Variants in SDK1 observed in about 807,000 individuals in gnomAD.
SDK1 encodes the protein sidekick cell adhesion molecule 1.
A neutral mutation model predicts 245.5 loss-of-function variants in SDK1; 157 were observed. That is an observed-to-expected ratio of 0.64 (90% CI 0.56 to 0.73). The LOEUF (loss-of-function observed/expected upper bound fraction) is 0.73. Ranked by LOEUF, SDK1 falls within the 30% of genes least tolerant of loss-of-function variation. The pLI is 0.00. For synonymous variants in SDK1, 1,647 were observed against 1,278.5 expected (o/e 1.29, Z -6.15); for missense variants, 3,583 against 3,002.3 (o/e 1.19, Z -4.52).
chr7:3,667,624 C>G (rs950373377), intron 4 of SDK1, among the ~76,000 whole-genome samples: 1 of 152,214 alleles, frequency 6.6e-6, no homozygotes, highest in Non-Finnish European at 1.5e-5. Context: ...CCAGGAGACC[C>G]TGGCAGTCAC....
At chr7:3,640,969 A>G (rs1254358193) in intron 3 of SDK1, among the ~76,000 whole-genome samples, 1 of 151,684 alleles carries the variant, frequency 6.6e-6, no homozygotes, top group African/African-American at 2.4e-5. Flanking sequence ...GGTGTGAGCC[A>G]CTGTGCTCTG....
intron 4 of SDK1, among the ~76,000 whole-genome samples, chr7:3,819,402 T>C (rs541091577): frequency 6.6e-6 from 1 of 152,208 alleles, no homozygotes; most frequent in African/African-American, 2.4e-5. Flanking sequence ...ATATCGAGAA[T>C]TCATGGATAT....
rs144901118 is a variant in SDK1, at chr7:3,430,763, G to A, written c.298+128879G>A. 2.2e-3 allele frequency among the ~76,000 whole-genome samples: 336 copies of A among 152,326 alleles called. 2 individuals are homozygous for A. Among genetic ancestry groups the A allele is most frequent in the Admixed American group, 3.6e-3 (55 of 15,306 alleles). On this transcript the variant is annotated intron_variant, in intron 1 of 44. Coordinates refer to ENST00000404826, the MANE Select transcript of SDK1 (RefSeq NM_152744.4). The stretch of plus-strand genomic sequence containing the variant: ...AGGAATGTCTGCTGCCCTGGGGGCC[G>A]AATCCTGCCTGTGCATGACCTGCTA...
intron 28 of SDK1, among the ~76,000 whole-genome samples, chr7:4,139,184 A>AC (rs59892637): frequency 0.72 from 109,146 of 151,178 alleles, 39,611 homozygotes; most frequent in East Asian, 0.89. Flanking sequence ...TTCTCTACCC[A>AC]CCCCCCATTT....
chr7:3,616,364 C>G (rs1009896311), intron 1 of SDK1, among the ~76,000 whole-genome samples: 1 of 152,244 alleles, frequency 6.6e-6, no homozygotes, highest in Non-Finnish European at 1.5e-5. Context: ...ACGTGTGGCC[C>G]TGCCTGCAAG....
chr7:3,590,850 G>A (rs1780846822), intron 1 of SDK1, among the ~76,000 whole-genome samples: 1 of 145,554 alleles, frequency 6.9e-6, no homozygotes, highest in East Asian at 2.0e-4. Flanking sequence ...TGGCATGATC[G>A]TAGATTACTG....
At chr7:3,535,593 C>A (rs932617043) in intron 1 of SDK1, among the ~76,000 whole-genome samples, 8 of 152,158 alleles carry the variant, frequency 5.3e-5, no homozygotes, top group African/African-American at 1.9e-4. Flanking sequence ...CGCGGGCCTT[C>A]TATAACATGG....
At chr7:3,770,376 C>G (rs73306117) in intron 4 of SDK1, among the ~76,000 whole-genome samples, 1,952 of 152,244 alleles carry the variant, frequency 0.013, 29 homozygotes, top group African/African-American at 0.033. Flanking sequence ...TGAAGGACAC[C>G]TGGGATATTT....
At chr7:3,341,861 T>C (rs541846797) in intron 1 of SDK1, among the ~76,000 whole-genome samples, 55 of 152,356 alleles carry the variant, frequency 3.6e-4, no homozygotes, top group African/African-American at 1.3e-3. Flanking sequence ...CCCTGAATTA[T>C]CGTAGCTTTT....
chr7:3,950,158 G>A (rs1583611330), intron 5 of SDK1, among the ~76,000 whole-genome samples: 1 of 152,316 alleles, frequency 6.6e-6, no homozygotes, highest in African/African-American at 2.4e-5. Flanking sequence ...CGTAAGGCCC[G>A]GTAACCATGC....
rs537837745 is a variant in SDK1, at chr7:3,807,583, A to G, written c.714-13867A>G. On this transcript the variant is annotated intron_variant, in intron 4 of 44. Transcript: ENST00000404826. ...GAGACAGACAAAGACACACGAAGAC[A>G]GGCACACAGAGAGAAACAGAGAGAG... 3.7e-3 allele frequency among the ~76,000 whole-genome samples: 565 copies of G among 152,306 alleles called. 4 individuals carry two copies. Among genetic ancestry groups the G allele is most frequent in the African/African-American group, 0.013 (547 of 41,550 alleles).
rs148317290 is a variant in SDK1, at chr7:3,307,747, C to T, written c.298+5863C>T. 1.0e-3 allele frequency among the ~76,000 whole-genome samples: 158 copies of T among 152,250 alleles called. 2 individuals carry two copies. The East Asian group carries it at 0.024, about 23-fold the overall frequency. On this transcript the variant is annotated intron_variant, in intron 1 of 44. Transcript: ENST00000404826. ...CATTGGGCTAAGTATCAGTAGGCCT[C>T]GTTTATACTTCATTCTGTAACTACT...
chr7:3,865,933 C>A (rs1780810689), intron 5 of SDK1, among the ~76,000 whole-genome samples: 1 of 152,136 alleles, frequency 6.6e-6, no homozygotes, highest in Non-Finnish European at 1.5e-5. Flanking sequence ...CATAAACACA[C>A]TTAAAGTGTG....
At chr7:4,109,784 G>A (rs1158812868) in intron 22 of SDK1, among the ~76,000 whole-genome samples, 1 of 152,194 alleles carries the variant, frequency 6.6e-6, no homozygotes, top group Non-Finnish European at 1.5e-5. Context: ...CAGTAGAAGC[G>A]GCACTGGCAC....
chr7:3,871,787 C>G (rs565327209), intron 5 of SDK1, among the ~76,000 whole-genome samples: 1 of 152,302 alleles, frequency 6.6e-6, no homozygotes, highest in East Asian at 1.9e-4. Flanking sequence ...GGCCCCACCT[C>G]CAACACTGGG....
chr7:3,997,179 C>G (rs143070365), intron 14 of SDK1, among the ~76,000 whole-genome samples: 23 of 152,286 alleles, frequency 1.5e-4, no homozygotes, highest in African/African-American at 5.3e-4. Context: ...TGGAGTGTCG[C>G]TTTTCCAGCC....
chr7:3,516,212 CAT>C (rs1782745161), intron 1 of SDK1, among the ~76,000 whole-genome samples: 3 of 148,922 alleles, frequency 2.0e-5, no homozygotes, highest in Admixed American at 6.8e-5. Context: ...TAATGTATAA[CAT>C]ATAGAGGTTA....
chr7:3,394,296 A>G (rs1262113170), intron 1 of SDK1, among the ~76,000 whole-genome samples: 3 of 152,154 alleles, frequency 2.0e-5, no homozygotes, highest in African/African-American at 7.2e-5. Context: ...TGAACGTATT[A>G]TCTATTCCCT....
chr7:3,848,948 G>C (rs561345156), intron 5 of SDK1, among the ~76,000 whole-genome samples: 6 of 152,314 alleles, frequency 3.9e-5, no homozygotes, highest in African/African-American at 1.4e-4. Flanking sequence ...GGGATTACAG[G>C]CGTGAGCCGC....
Sources: allele counts gnomAD v4.1 joint callset (sites outside exome capture counted in the v4.1 genomes callset), GRCh38; gene constraint gnomAD v4.1.1; transcripts MANE v1.5; gene names NCBI Gene and HGNC (gene_info 2026-07-23, HGNC 2026-07-21).